The following TP63 variants were observed in gnomAD, a reference collection of about 807,000 sequenced individuals.
TP63 encodes the protein tumor protein p63, also known as tumor protein 63.
A neutral mutation model predicts 82.8 loss-of-function variants in TP63; 17 were observed. The observed-to-expected ratio is 0.21, with a 90% CI of 0.14 to 0.31. The LOEUF (loss-of-function observed/expected upper bound fraction) is 0.31. TP63 is among the 10% of genes least tolerant of loss of function. TP63 has a pLI of 1.00. For missense variants in TP63, 648 were observed against 895.3 expected (o/e 0.72, Z 3.52); for synonymous variants, 330 against 321.7 (o/e 1.03, Z -0.28).
At chr3:189,848,980 G>A (rs1715292214) in intron 4 of TP63, among the ~76,000 whole-genome samples, 1 of 152,188 alleles carries the variant, frequency 6.6e-6, no homozygotes, top group Non-Finnish European at 1.5e-5. Context: ...CAGCCTCCAG[G>A]AAGGAGAGAG....
At chr3:189,725,986 C>T (rs369373707) in intron 1 of TP63, among the ~76,000 whole-genome samples, 2 of 137,072 alleles carry the variant, frequency 1.5e-5, no homozygotes, top group Non-Finnish European at 3.0e-5. Flanking sequence ...ACCCAAGAGC[C>T]GGAGGTTGCA....
chr3:189,774,515 G>A (rs910538624), intron 3 of TP63, among the ~76,000 whole-genome samples: 4 of 152,138 alleles, frequency 2.6e-5, no homozygotes, highest in Non-Finnish European at 5.9e-5. Flanking sequence ...TTTGAAGGGG[G>A]CCTTGCAGTA....
At position 189,869,336 on chromosome 3, in the gene TP63, A is replaced by G. The variant is rs750431012; in HGVS notation, c.1142A>G (p.Asn381Ser). ...GDGTKRPFRQ[N>S]THGIQMTSIK... The stretch of plus-strand genomic sequence containing the variant: ...TTTCCTCCACCAGCGTTTCGTCAGA[A>G]CACACATGGTATCCAGATGACATCC... The change falls in exon 9 of 14, where the codon AAC becomes AGC. Residue 381 changes from asparagine (N) to serine (S), a missense_variant. Asn to Ser is a conservative substitution (Grantham distance 46). Coordinates refer to ENST00000264731, the MANE Select transcript of TP63 (RefSeq NM_003722.5). 10 of 1,614,128 alleles carry G rather than the reference A, an allele frequency of 6.2e-6. No homozygotes were observed. The highest frequency in any genetic ancestry group is 7.6e-6 in the Non-Finnish European group (9 of 1,179,984).
At chr3:189,696,785 A>G (rs1048084308) in intron 1 of TP63, among the ~76,000 whole-genome samples, 8 of 152,096 alleles carry the variant, frequency 5.3e-5, no homozygotes, top group Non-Finnish European at 8.8e-5. Context: ...TTATTTTCCT[A>G]TGACAAATTA....
chr3:189,722,951 A>C (rs35639049), intron 1 of TP63, among the ~76,000 whole-genome samples: 15,711 of 152,266 alleles, frequency 0.1, 899 homozygotes, highest in South Asian at 0.13. Flanking sequence ...ATTTAGGTGA[A>C]TACTGAAGCC....
intron 4 of TP63, among the ~76,000 whole-genome samples, chr3:189,848,305 G>A (rs1194391060): frequency 2.3e-5 from 3 of 133,000 alleles, no homozygotes; most frequent in African/African-American, 5.5e-5. Flanking sequence ...TCTGAGGATG[G>A]CTCACTGTAA....
the TP63 span, among the ~76,000 whole-genome samples, chr3:189,610,246 T>C: frequency 2.6e-5 from 4 of 152,202 alleles, no homozygotes; most frequent in African/African-American, 9.6e-5. Flanking sequence ...TTGTAAATTT[T>C]TTTAAGTTTC....
chr3:189,762,775 G>A (rs1227047789), intron 3 of TP63, among the ~76,000 whole-genome samples: 2 of 152,176 alleles, frequency 1.3e-5, no homozygotes, highest in African/African-American at 2.4e-5. Context: ...TGCTAGGAGT[G>A]CAGTGTTTAA....
intron 10 of TP63, among the ~76,000 whole-genome samples, chr3:189,874,776 A>T (rs116040397): frequency 1.5e-3 from 234 of 152,296 alleles, no homozygotes; most frequent in Non-Finnish European, 2.5e-3. Context: ...TACAACCAGG[A>T]TCAAAGAAAC....
At chr3:189,671,079 C>T (rs1714849009) in intron 1 of TP63, among the ~76,000 whole-genome samples, 1 of 152,054 alleles carries the variant, frequency 6.6e-6, no homozygotes, top group East Asian at 1.9e-4. Flanking sequence ...AAACGATCAG[C>T]AGAGTGAAGA....
chr3:189,721,273 A>T (rs113297692), intron 1 of TP63, among the ~76,000 whole-genome samples: 3,007 of 152,300 alleles, frequency 0.02, 44 homozygotes, highest in African/African-American at 0.043. Context: ...TAACAGAGAG[A>T]GGAACAATAG....
intron 3 of TP63, among the ~76,000 whole-genome samples, chr3:189,806,401 T>C (rs982041150): frequency 1.3e-5 from 2 of 152,174 alleles, no homozygotes; most frequent in African/African-American, 2.4e-5. Context: ...TTGGGAGCAT[T>C]ATCTGATTCC....
At chr3:189,687,771 C>G (rs1362831456) in intron 1 of TP63, among the ~76,000 whole-genome samples, 5 of 152,154 alleles carry the variant, frequency 3.3e-5, no homozygotes, top group Non-Finnish European at 7.4e-5. Context: ...CCCTCACTGT[C>G]TTCTCTTCTA....
intron 1 of TP63, among the ~76,000 whole-genome samples, chr3:189,694,955 G>A (rs56382677): frequency 0.013 from 2,013 of 151,154 alleles, 47 homozygotes; most frequent in African/African-American, 0.046. Context: ...ACACACGCCC[G>A]CCACCACACC....
chr3:189,881,205 A>G, intron 10 of TP63: 1 of 985,418 alleles, frequency 1.0e-6, no homozygotes, highest in Non-Finnish European at 1.2e-6. Context: ...GTGAGATCCA[A>G]GCAGACGTGT....
chr3:189,879,523 T>G (rs570385220), intron 10 of TP63, among the ~76,000 whole-genome samples: 2 of 152,384 alleles, frequency 1.3e-5, no homozygotes, highest in East Asian at 3.9e-4. Context: ...GGCCCCATTC[T>G]GATAATATCA....
intron 4 of TP63, among the ~76,000 whole-genome samples, chr3:189,824,043 T>C (rs977975621): frequency 3.3e-5 from 5 of 152,004 alleles, no homozygotes; most frequent in Admixed American, 6.6e-5. Context: ...CCCCAAACCT[T>C]GATCGTTTCA....
At chr3:189,875,613 T>TATATATATATATATATATACACACAC (rs1719031287) in intron 10 of TP63, among the ~76,000 whole-genome samples, 2 of 105,506 alleles carry the variant, frequency 1.9e-5, no homozygotes, top group Non-Finnish European at 3.8e-5. Context: ...TATATATATA[T>TATATATATATATATATATACACACAC]ATATATATAT....
the TP63 span, among the ~76,000 whole-genome samples, chr3:189,599,300 A>T: frequency 6.6e-6 from 1 of 152,124 alleles, no homozygotes; most frequent in East Asian, 1.9e-4. Context: ...TCTCAACCTC[A>T]TCCTTGTATT....
Sources: allele counts gnomAD v4.1 joint callset (sites outside exome capture counted in the v4.1 genomes callset), GRCh38; gene constraint gnomAD v4.1.1; transcripts MANE v1.5; gene names NCBI Gene and HGNC (gene_info 2026-07-23, HGNC 2026-07-21).